TAFA2: variants seen among roughly 807,000 people sequenced by gnomAD.
TAFA2 encodes the protein chemokine-like protein TAFA-2.
A neutral mutation model predicts 18.8 loss-of-function variants in TAFA2; 7 were observed. The observed-to-expected ratio is 0.37, with a 90% CI of 0.21 to 0.70. The LOEUF (loss-of-function observed/expected upper bound fraction) is 0.70. Among genes scored for constraint, TAFA2 ranks in the 30% least tolerant of loss-of-function variants. TAFA2 has a pLI of 0.53. For missense variants in TAFA2, 122 were observed against 158.1 expected, an observed-to-expected ratio of 0.77 and a Z score of 1.23; for synonymous variants, 60 against 54.2, an observed-to-expected ratio of 1.11 and a Z score of -0.47.
chr12:62,124,158 T>A (rs1428296925), intron 1 of TAFA2, among the ~76,000 whole-genome samples: 1 of 152,060 alleles, frequency 6.6e-6, no homozygotes, highest in Non-Finnish European at 1.5e-5. Context: ...TCGCAAAGAT[T>A]GCAAAGATAA....
chr12:62,074,626 A>G (rs979828820), intron 1 of TAFA2, among the ~76,000 whole-genome samples: 1 of 152,070 alleles, frequency 6.6e-6, no homozygotes, highest in Non-Finnish European at 1.5e-5. Context: ...TTGTTTTCAT[A>G]CAGACAGTAG....
intron 1 of TAFA2, among the ~76,000 whole-genome samples, chr12:62,069,550 A>C (rs1041796461): frequency 2.1e-4 from 32 of 152,202 alleles, no homozygotes; most frequent in African/African-American, 6.5e-4. Flanking sequence ...TACATGAAAA[A>C]TGGACAAGAA....
chr12:62,234,405 AC>A (rs2062825998), intron 1 of TAFA2: 2 of 701,694 alleles, frequency 2.9e-6, no homozygotes, highest in Non-Finnish European at 5.4e-6. Context: ...CAGGAACAGG[AC>A]CGTCCTGCTG....
chr12:61,734,530 AAAACT>A (rs1299711950), intron 4 of TAFA2, among the ~76,000 whole-genome samples: 2 of 152,020 alleles, frequency 1.3e-5, no homozygotes, highest in African/African-American at 4.8e-5. Flanking sequence ...TAAAATAAAA[AAAACT>A]AAACTAATAT....
chr12:61,796,613 C>T (rs988541290), intron 2 of TAFA2, among the ~76,000 whole-genome samples: 2 of 151,988 alleles, frequency 1.3e-5, no homozygotes, highest in Non-Finnish European at 1.5e-5. Flanking sequence ...AACATTAATT[C>T]TCATGATCTA....
intron 1 of TAFA2, among the ~76,000 whole-genome samples, chr12:61,925,938 A>G (rs1049585484): frequency 2.6e-5 from 4 of 152,198 alleles, no homozygotes; most frequent in African/African-American, 4.8e-5. Context: ...GATTAACAAA[A>G]TATATAGACC....
chr12:61,761,600 A>G (rs1183377946), intron 2 of TAFA2, among the ~76,000 whole-genome samples: 1 of 152,086 alleles, frequency 6.6e-6, no homozygotes, highest in East Asian at 1.9e-4. Flanking sequence ...TTGTGTGATG[A>G]GCATTATTTC....
At chr12:61,998,661 C>T (rs548550293) in intron 1 of TAFA2, among the ~76,000 whole-genome samples, 37 of 152,320 alleles carry the variant, frequency 2.4e-4, no homozygotes, top group African/African-American at 8.9e-4. Context: ...GAATTTAAAG[C>T]CATGAAGTCT....
At chr12:61,881,569 A>G (rs1313458611) in intron 1 of TAFA2, among the ~76,000 whole-genome samples, 1 of 152,162 alleles carries the variant, frequency 6.6e-6, no homozygotes, top group Non-Finnish European at 1.5e-5. Flanking sequence ...CTACAAATAT[A>G]TGATGGGGCT....
chr12:62,204,655 T>C (rs2062684565), intron 1 of TAFA2, among the ~76,000 whole-genome samples: 1 of 152,172 alleles, frequency 6.6e-6, no homozygotes, highest in African/African-American at 2.4e-5. Context: ...GTGAAGTTCT[T>C]GTGCTGTGTT....
intron 1 of TAFA2, among the ~76,000 whole-genome samples, chr12:62,170,070 C>T (rs959048716): frequency 2.6e-5 from 4 of 151,938 alleles, no homozygotes; most frequent in Non-Finnish European, 5.9e-5. Flanking sequence ...CCTTAAAAAC[C>T]ATAAATGCTC....
intron 1 of TAFA2, among the ~76,000 whole-genome samples, chr12:62,093,813 A>G (rs1868826722): frequency 3.9e-5 from 6 of 152,072 alleles, no homozygotes; most frequent in Admixed American, 3.9e-4. Flanking sequence ...ATTCAGTGTT[A>G]AGACCAACAA....
At chr12:61,734,108 T>A (rs1190006416) in intron 4 of TAFA2, among the ~76,000 whole-genome samples, 1 of 150,736 alleles carries the variant, frequency 6.6e-6, no homozygotes, top group African/African-American at 2.5e-5. Context: ...GCTTGTGATT[T>A]TTGTACATTG....
chr12:61,889,925 A>G (rs1875553649), intron 1 of TAFA2, among the ~76,000 whole-genome samples: 1 of 152,228 alleles, frequency 6.6e-6, no homozygotes, highest in African/African-American at 2.4e-5. Flanking sequence ...GAGAGGTTCT[A>G]AAGGCCCACA....
At chr12:62,139,665 C>A (rs1265675623) in intron 1 of TAFA2, among the ~76,000 whole-genome samples, 1 of 152,096 alleles carries the variant, frequency 6.6e-6, no homozygotes, top group African/African-American at 2.4e-5. Flanking sequence ...ATCTTAGTAA[C>A]AAGCATTACT....
chr12:61,785,321 G>T (rs1870685340), intron 2 of TAFA2, among the ~76,000 whole-genome samples: 1 of 37,766 alleles, frequency 2.6e-5, no homozygotes, highest in Non-Finnish European at 5.3e-5. Flanking sequence ...TAGTATTCTT[G>T]TGTGTGTGTG....
At chr12:61,790,187 A>AG (rs1870913936) in intron 2 of TAFA2, among the ~76,000 whole-genome samples, 1 of 116,806 alleles carries the variant, frequency 8.6e-6, no homozygotes, top group Non-Finnish European at 1.8e-5. Context: ...TAAAAAAAAA[A>AG]ATCCCCAAAA....
chr12:62,228,988 G>T (rs979503518), intron 1 of TAFA2, among the ~76,000 whole-genome samples: 1 of 151,872 alleles, frequency 6.6e-6, no homozygotes, highest in Non-Finnish European at 1.5e-5. Context: ...ACTATAAATG[G>T]AATTATTCTT....
rs186270493 is a variant in TAFA2, at chr12:61,909,484, T to C, written c.-1-42058A>G. 1.6e-4 allele frequency among the ~76,000 whole-genome samples: 25 copies of C among 152,228 alleles called. No individual in the cohort carries two copies. In the East Asian group the frequency reaches 4.4e-3, roughly 27 times the overall value. On this transcript the variant is annotated intron_variant, in intron 1 of 4. Coordinates refer to ENST00000416284, the MANE Select transcript of TAFA2 (RefSeq NM_178539.5). Reference sequence around the variant, plus strand: ...GGAAAGAGTATGGTGATAGCAGAGCTGTGAAAGAAAATCAATCTCTGTAGA... The same window carrying C: ...GGAAAGAGTATGGTGATAGCAGAGCCGTGAAAGAAAATCAATCTCTGTAGA...
Sources: gnomAD v4.1 joint callset for allele counts (sites outside exome capture counted in the v4.1 genomes callset) on GRCh38, gnomAD v4.1.1 for gene constraint, MANE v1.5 for transcripts, NCBI Gene and HGNC (gene_info 2026-07-23, HGNC 2026-07-21) for gene names.